Variants in OR2V1 observed in about 807,000 individuals in gnomAD.
OR2V1 encodes olfactory receptor family 2 subfamily V member 1, also known as olfactory receptor 2V1.
OR2V1 carries 18 observed loss-of-function variants against 15.0 expected under a neutral mutation model. The ratio of observed to expected loss-of-function variants is 1.20; its 90% confidence interval spans 0.83 to 1.78. The LOEUF (loss-of-function observed/expected upper bound fraction) is 1.78, where lower values mean the gene tolerates loss of function less well. Among genes scored for constraint, OR2V1 ranks in the 40% most tolerant of loss-of-function variants. The pLI is 0.00. For missense variants in OR2V1, 359 were observed against 392.9 expected, an observed-to-expected ratio of 0.91 and a Z score of 0.73; for synonymous variants, 144 against 146.1, an observed-to-expected ratio of 0.99 and a Z score of 0.10.
In OR2V1 at chr5:181,124,186, CT is replaced by C. The variant is rs201592819; in HGVS notation, c.*170del. On this transcript the variant is annotated 3_prime_UTR_variant, in exon 4 of 4. Transcript: ENST00000641551. The stretch of plus-strand genomic sequence containing the variant: ...CGAGTGTCCTGATTATCTTTTTTTC[CT>C]TTTTTTTTGGTACAGAAATGTTCAT... 610 of 524,934 alleles carry C rather than the reference CT, an allele frequency of 1.2e-3. No individual in the cohort carries two copies. The highest frequency in any genetic ancestry group is 3.1e-3 in the Admixed American group (81 of 26,086). The allele number at this position is 524,934 out of a possible 1,614,324, so 32.5% of individuals were successfully genotyped here. A position where few individuals can be genotyped will look rare whatever the true frequency, so the allele number is the denominator to read the frequency against.
chr5:181,125,203 C>A lies in OR2V1; in HGVS notation c.102G>T (p.Val34=). The A allele has an allele frequency of 6.2e-7, 1 of 1,614,110 alleles. No homozygotes were observed. Among genetic ancestry groups the A allele is most frequent in the Non-Finnish European group, 8.5e-7 (1 of 1,180,038 alleles). ...TCCCACAGAGGGCCACTGTGAAGAC[C>A]ACCATAACTGCAGAGAAGAGGACAA... ...TDLVLFSAVM[V]VFTVALCGNV... Residue 34 remains valine (V), a synonymous_variant, in exon 4 of 4, where the codon GTG becomes GTT. Transcript: ENST00000641551.
rs34343246 is a variant in OR2V1 at position 181,128,192 on chromosome 5, T to TCACACA, written c.-22+1322_-22+1327dup. On this transcript the variant is annotated intron_variant, in intron 3 of 3. Transcript: ENST00000641551. ...ATCATCCTGGACTCCTGTCCTCTCC[T>TCACACA]CACACACACACACACACACACACAC... 7.5e-4 allele frequency among the ~76,000 whole-genome samples: 31 copies of TCACACA among 41,426 alleles called. 1 individual carries two copies. Among genetic ancestry groups the TCACACA allele is most frequent in the African/African-American group, 1.5e-3 (30 of 20,174 alleles). 27.2% of individuals were successfully genotyped at this position (41,426 alleles called of 152,430 possible).
chr5:181,127,339 G>T (rs1056165469), intron 3 of OR2V1, among the ~76,000 whole-genome samples: 2 of 152,234 alleles, frequency 1.3e-5, no homozygotes, highest in East Asian at 3.9e-4. Flanking sequence ...CTTGGTCTGA[G>T]TGTCACAGGA....
chr5:181,130,415 C>T, intron 1 of OR2V1, 200 bp from the exon 2 acceptor site: 1 of 394,076 alleles, frequency 2.5e-6, no homozygotes, highest in Admixed American at 4.4e-5. Flanking sequence ...CAGACCACAG[C>T]CTCCTCTCAG....
intron 1 of OR2V1, 40 bp from the exon 2 acceptor site, chr5:181,130,255 C>G (rs1762944263): frequency 1.8e-5 from 7 of 398,956 alleles, no homozygotes; most frequent in Non-Finnish European, 3.1e-5. Context: ...TGCACTCATC[C>G]TCCTGTGTTT....
At chr5:181,128,282 G>GCATCC (rs1289786346) in intron 3 of OR2V1, among the ~76,000 whole-genome samples, 3 of 151,796 alleles carry the variant, frequency 2.0e-5, no homozygotes, top group Non-Finnish European at 4.4e-5. Flanking sequence ...CAGCCAGCAC[G>GCATCC]CATCCCTGCC....
Position 181,123,216 on chromosome 5 carries a change from G to C in OR2V1, c.*1141C>G, listed in dbSNP as rs1048732807. On this transcript the variant is annotated 3_prime_UTR_variant, in exon 4 of 4. Transcript: ENST00000641551. ...GCAACTGCTACTTATAAGGCACAGG[G>C]TCTGGTACTGGTAATACACTGTGAA... 1 of 152,182 alleles carries C rather than the reference G, an allele frequency of 6.6e-6. No individual in the cohort carries two copies. Among genetic ancestry groups the C allele is most frequent in the African/African-American group, 2.4e-5 (1 of 41,432 alleles). 9.4% of individuals were successfully genotyped at this position (152,182 alleles called of 1,614,324 possible). A position where few individuals can be genotyped will look rare whatever the true frequency, so the allele number is the denominator to read the frequency against.
chr5:181,129,352 T>C (rs1227492677), intron 3 of OR2V1, among the ~76,000 whole-genome samples, 168 bp downstream of exon 3: 2 of 152,060 alleles, frequency 1.3e-5, no homozygotes, highest in African/African-American at 4.8e-5. Context: ...TGAGCTACGA[T>C]CACACCACTG....
Position 181,124,705 on chromosome 5 carries a change from G to C in OR2V1, c.600C>G (p.Leu200=). The C allele has an allele frequency of 6.2e-7, 1 of 1,612,326 alleles. No homozygotes were observed. Among genetic ancestry groups the C allele is most frequent in the Non-Finnish European group, 8.5e-7 (1 of 1,179,988 alleles). Residue 200 remains leucine (L), a synonymous_variant, in exon 4 of 4, where the codon CTC becomes CTG. Transcript: ENST00000641551. ...GAAGCATGAAGACACAGCAAGCAAA[G>C]AGGAGGGTGTCAAAAAGGGAAGTGT... The part of the protein sequence containing the change: ...CADTSLFDTL[L]FACCVFMLLL...
intron 3 of OR2V1, among the ~76,000 whole-genome samples, chr5:181,128,207 C>A (rs66933507): frequency 2.0e-3 from 58 of 29,564 alleles, no homozygotes; most frequent in Admixed American, 3.2e-3. Flanking sequence ...CACACACACA[C>A]ACACACACAC....
At position 181,125,989 on chromosome 5, in the gene OR2V1, T is replaced by TA. The variant is rs957491327; in HGVS notation, c.-21-665dup. Among the ~76,000 whole-genome samples, 4 of 151,920 alleles carry TA rather than the reference T, an allele frequency of 2.6e-5. No homozygotes were observed. The East Asian group carries it at 7.7e-4, about 29-fold the overall frequency. On this transcript the variant is annotated intron_variant, in intron 3 of 3. Coordinates refer to ENST00000641551, the MANE Select transcript of OR2V1 (RefSeq NM_001258283.2). ...AACAAGAGCGAAACTCCATTTCAAT[T>TA]AAAAAAAGAAAAAAAAGGAAAGATC...
chr5:181,126,420 CCACACA>C (rs10532191), intron 3 of OR2V1, among the ~76,000 whole-genome samples: 10,936 of 140,892 alleles, frequency 0.078, 515 homozygotes, highest in South Asian at 0.16. Flanking sequence ...ACATCACACA[CCACACA>C]CACACACACA....
intron 3 of OR2V1, among the ~76,000 whole-genome samples, chr5:181,126,584 A>G (rs1010581704): frequency 2.0e-5 from 3 of 152,102 alleles, no homozygotes; most frequent in African/African-American, 7.2e-5. Flanking sequence ...ATGCAGAAAC[A>G]CATAGATACA....
rs1762848379 is a variant in OR2V1, at chr5:181,124,681, A to T, written c.624T>A (p.Leu208=). ...TLLFACCVFM[L]LLPFSIIMAS... is the part of the protein sequence containing the mutation. ...CCATGATGATGGAGAAGGGAAGGAG[A>T]AGCATGAAGACACAGCAAGCAAAGA... The change falls in exon 4 of 4, where the codon CTT becomes CTA. Residue 208 remains leucine (L), a synonymous_variant. Coordinates refer to ENST00000641551, the MANE Select transcript of OR2V1 (RefSeq NM_001258283.2). 6.2e-7 allele frequency: 1 copy of T among 1,613,102 alleles called. No homozygotes were observed. Among genetic ancestry groups the T allele is most frequent in the Non-Finnish European group, 8.5e-7 (1 of 1,180,006 alleles).
chr5:181,126,080 A>G (rs989313850), intron 3 of OR2V1, among the ~76,000 whole-genome samples: 19 of 152,182 alleles, frequency 1.2e-4, no homozygotes, highest in Non-Finnish European at 2.1e-4. Context: ...ACCATTTTCA[A>G]CTTCTCTATT....
Position 181,125,209 on chromosome 5 carries a change from A to G in OR2V1, c.96T>C (p.Val32=), listed in dbSNP as rs1762858571. Residue 32 remains valine (V), a synonymous_variant, in exon 4 of 4, where the codon GTT becomes GTC. Transcript: ENST00000641551. ...AGAGGGCCACTGTGAAGACCACCAT[A>G]ACTGCAGAGAAGAGGACAAGGTCAG... The part of the protein sequence containing the change: ...SQTDLVLFSA[V]MVVFTVALCG... 1 of 1,614,170 alleles carries G rather than the reference A, an allele frequency of 6.2e-7. No individual in the cohort carries two copies. The highest frequency in any genetic ancestry group is 8.5e-7 in the Non-Finnish European group (1 of 1,180,040).
intron 3 of OR2V1, among the ~76,000 whole-genome samples, chr5:181,126,250 C>G (rs7730929): frequency 0.51 from 77,200 of 151,946 alleles, 20,282 homozygotes; most frequent in Middle Eastern, 0.72. Flanking sequence ...CCCTGGTCTC[C>G]CAGCTTCTAT....
intron 3 of OR2V1, 133 bp from the exon 4 acceptor site, chr5:181,125,458 C>T (rs2113326403): frequency 3.0e-6 from 2 of 659,242 alleles, no homozygotes; most frequent in East Asian, 5.5e-5. Context: ...GACAGGACCT[C>T]TGCCAGCTCT....
In OR2V1 at chr5:181,124,240, C is replaced by T. The variant is rs1762841209; in HGVS notation, c.*117G>A. The T allele has an allele frequency of 1.1e-5, 11 of 1,029,174 alleles. No individual in the cohort carries two copies. In the Middle Eastern group the frequency reaches 1.0e-3, roughly 96 times the overall value. The allele number at this position is 1,029,174 out of a possible 1,614,324, so 63.8% of individuals were successfully genotyped here. ...TGGCTTTTCTCATGATGGCCAAAAC[C>T]TATAAACCATCCAATGACCATCAAC... On this transcript the variant is annotated 3_prime_UTR_variant, in exon 4 of 4. Coordinates refer to ENST00000641551, the MANE Select transcript of OR2V1 (RefSeq NM_001258283.2).
Sources: allele counts gnomAD v4.1 joint callset (sites outside exome capture counted in the v4.1 genomes callset), GRCh38; gene constraint gnomAD v4.1.1; transcripts MANE v1.5; gene names NCBI Gene and HGNC (gene_info 2026-07-23, HGNC 2026-07-21).